The following TAF1 variants were observed in gnomAD, a reference collection of about 807,000 sequenced individuals.
TAF1 encodes the protein transcription initiation factor TFIID subunit 1.
Under a neutral mutation model 138.5 loss-of-function variants are expected in TAF1, and 2 were observed. The ratio of observed to expected loss-of-function variants is 0.01; its 90% confidence interval spans 0.01 to 0.05. The LOEUF (loss-of-function observed/expected upper bound fraction) is 0.05, where lower values mean the gene tolerates loss of function less well. Among genes scored for constraint, TAF1 ranks in the 10% least tolerant of loss-of-function variants. The pLI, the probability that TAF1 is intolerant of heterozygous loss-of-function variation, is 1.00. For synonymous variants in TAF1, 437 were observed against 503.2 expected (o/e 0.87, Z 1.76); for missense variants, 709 against 1,478.0 (o/e 0.48, Z 8.53).
At chrX:71,416,386 A>T (rs1227979094) in intron 28 of TAF1, among the ~76,000 whole-genome samples, 1 of 107,703 alleles carries the variant, frequency 9.3e-6, no homozygotes, top group Non-Finnish European at 1.9e-5. Flanking sequence ...ACCCTGTCTC[A>T]AAAAGAAAAA....
chrX:71,480,642 G>A (rs1406108505), intron 13 of TAF1, among the ~76,000 whole-genome samples: 1 of 111,801 alleles, frequency 8.9e-6, no homozygotes, highest in Non-Finnish European at 1.9e-5. Flanking sequence ...TCCTTTCATG[G>A]AGGTGGAGAG....
chrX:71,408,292 T>A (rs1022969872), intron 28 of TAF1, 141 bp downstream of exon 28: 6 of 727,297 alleles, frequency 8.2e-6, no homozygotes, highest in Non-Finnish European at 1.2e-5. Context: ...TCAGGTAATG[T>A]ACATTTTCAG....
At chrX:71,494,543 T>A (rs1036281503) in intron 13 of TAF1, among the ~76,000 whole-genome samples, 6 of 112,557 alleles carry the variant, frequency 5.3e-5, no homozygotes, top group Admixed American at 1.9e-4. Flanking sequence ...TCTTCCAGTG[T>A]GGCCCAGGGA....
chrX:71,426,608 G>A (rs746359912), intron 32 of TAF1, among the ~76,000 whole-genome samples: 136 of 110,348 alleles, frequency 1.2e-3, no homozygotes, highest in Non-Finnish European at 2.0e-3. Context: ...CCAGCTAGTC[G>A]GGAGGCTGAG....
At chrX:71,420,131 A>G in intron 28 of TAF1, 1 of 489,640 alleles carries the variant, frequency 2.0e-6, no homozygotes, top group Non-Finnish European at 3.7e-6. Context: ...TGTAGACGTG[A>G]CCCCGGGGCC....
chrX:71,420,043 TCC>T, intron 28 of TAF1: 1 of 336,749 alleles, frequency 3.0e-6, no homozygotes, highest in Non-Finnish European at 5.4e-6. Flanking sequence ...TCCCCTTCTG[TCC>T]TCTTTTTTTC....
chrX:71,395,397 C>T (rs957429719), intron 22 of TAF1, among the ~76,000 whole-genome samples: 2 of 110,901 alleles, frequency 1.8e-5, no homozygotes, highest in Non-Finnish European at 3.8e-5. Context: ...TCCAGCTACT[C>T]GGGAGGCTGA....
At chrX:71,430,332 C>T (rs756841574) in intron 32 of TAF1, among the ~76,000 whole-genome samples, 72 of 102,022 alleles carry the variant, frequency 7.1e-4, no homozygotes, top group Non-Finnish European at 9.4e-4. Flanking sequence ...TGCTGTGAGC[C>T]GAGATCGTGC....
At position 71,445,140 on chromosome X, in the gene TAF1, C is replaced by A. The variant is rs187490179; in HGVS notation, c.4754-9030C>A. ...GTGAAACCCGTCTCTACTAAAAATACAAAAAAAAAATTAGGTGGGTGTGGT... is the reference window on the plus strand; with the variant it reads ...GTGAAACCCGTCTCTACTAAAAATAAAAAAAAAAAATTAGGTGGGTGTGGT... On this transcript the variant is annotated intron_variant, in intron 32 of 37. Transcript: ENST00000423759. Among the ~76,000 whole-genome samples, 304 of 103,365 alleles carry A rather than the reference C, an allele frequency of 2.9e-3. 6 individuals carry two copies. The Admixed American group carries it at 0.03, about 10-fold the overall frequency. 89.8% of individuals were successfully genotyped at this position (103,365 alleles called of 115,157 possible). A position where few individuals can be genotyped will look rare whatever the true frequency, so the allele number is the denominator to read the frequency against.
chrX:71,452,036 C>A, intron 32 of TAF1, among the ~76,000 whole-genome samples: 1 of 110,548 alleles, frequency 9.0e-6, no homozygotes, highest in Non-Finnish European at 1.9e-5. Flanking sequence ...GGGCTCCTCA[C>A]TTCCCAGTAG....
At chrX:71,389,746 A>T in intron 18 of TAF1, 81 bp downstream of exon 18, 1 of 810,524 alleles carries the variant, frequency 1.2e-6, no homozygotes, top group Non-Finnish European at 1.8e-6. Context: ...TTGAGATAAC[A>T]TAAAATAAAC....
In TAF1 at chrX:71,459,626, G is replaced by A; in HGVS notation, c.5139G>A (p.Leu1713=). The stretch of plus-strand genomic sequence containing the variant: ...TACAACAGCCTCAAGCCAGTGTCCT[G>A]TATGAGGATTTGCTTATGTCTGAAG... ...GTVQQPQASV[L]YEDLLMSEGE... is the part of the protein sequence containing the mutation. Residue 1713 remains leucine, a synonymous_variant, in exon 36 of 38, where the codon CTG becomes CTA. Transcript: ENST00000423759. 1.7e-6 allele frequency: 2 copies of A among 1,211,481 alleles called. No individual in the cohort carries two copies. Among genetic ancestry groups the A allele is most frequent in the Non-Finnish European group, 2.2e-6 (2 of 895,479 alleles).
rs766249187 is a variant in TAF1, at chrX:71,407,631, A to G, written c.4165A>G (p.Ile1389Val). The change falls in exon 27 of 38, where the codon ATC (isoleucine) becomes GTC (valine). Residue 1389 changes from isoleucine (I) to valine (V), a missense_variant. Physicochemically the swap from Ile to Val is conservative, Grantham distance 29 (BLOSUM62 3). Coordinates refer to ENST00000423759, the MANE Select transcript of TAF1 (RefSeq NM_004606.5). ...AGACCCTATGGTGACGCTGTCGTCC[A>G]TCTTGGAGTCTATCATCAATGACAT... ...RTDPMVTLSSILESIINDMRD... is the reference protein window; with the variant it reads ...RTDPMVTLSSVLESIINDMRD... The G allele has an allele frequency of 1.7e-6, 2 of 1,209,899 alleles. No homozygotes were observed. Among genetic ancestry groups the G allele is most frequent in the African/African-American group, 3.5e-5 (2 of 57,179 alleles).
downstream of TAF1, among the ~76,000 whole-genome samples, chrX:71,467,278 G>C (rs913558639): frequency 4.6e-5 from 5 of 109,218 alleles, no homozygotes; most frequent in Non-Finnish European, 7.6e-5. Flanking sequence ...CTTGAGATTA[G>C]GGAGTGGTGA....
intron 32 of TAF1, among the ~76,000 whole-genome samples, chrX:71,427,182 T>A (rs2036633450): frequency 8.9e-6 from 1 of 112,250 alleles, no homozygotes; most frequent in African/African-American, 3.2e-5. Context: ...CAGGGAACTA[T>A]ACGTAACTAG....
chrX:71,395,334 C>T (rs1011360058), intron 22 of TAF1, among the ~76,000 whole-genome samples: 1 of 111,093 alleles, frequency 9.0e-6, no homozygotes, highest in Non-Finnish European at 1.9e-5. Flanking sequence ...CATGGTGAAA[C>T]CCTGTTTCTA....
At chrX:71,442,287 G>A (rs1193928818) in intron 32 of TAF1, among the ~76,000 whole-genome samples, 2 of 112,291 alleles carry the variant, frequency 1.8e-5, no homozygotes, top group Non-Finnish European at 3.8e-5. Flanking sequence ...CACCAACAGT[G>A]TAAAAGTGTT....
intron 28 of TAF1, among the ~76,000 whole-genome samples, chrX:71,419,737 C>T (rs1421825110): frequency 1.8e-5 from 2 of 111,027 alleles, no homozygotes; most frequent in African/African-American, 3.3e-5. Flanking sequence ...AAAAAAACCT[C>T]CTACCACCCA....
intron 25 of TAF1, among the ~76,000 whole-genome samples, chrX:71,405,110 C>G (rs2035395474): frequency 9.2e-6 from 1 of 108,624 alleles, no homozygotes; most frequent in Non-Finnish European, 1.9e-5. Flanking sequence ...GTGCCCGCCA[C>G]CATGCCCAGC....
Sources: gnomAD v4.1 joint callset for allele counts (sites outside exome capture counted in the v4.1 genomes callset) on GRCh38, gnomAD v4.1.1 for gene constraint, MANE v1.5 for transcripts, NCBI Gene and HGNC (gene_info 2026-07-23, HGNC 2026-07-21) for gene names.